Variants in PLSCR2 observed in about 807,000 individuals in gnomAD.
The protein encoded by PLSCR2 is PL scramblase 2.
Under a neutral mutation model 25.3 loss-of-function variants are expected in PLSCR2, and 18 were observed. The ratio of observed to expected loss-of-function variants is 0.71; its 90% CI spans 0.49 to 1.06. The LOEUF is 1.06. PLSCR2 is among the 50% of genes least tolerant of loss of function. The pLI is 0.00. For synonymous variants in PLSCR2, 88 were observed against 87.3 expected, an observed-to-expected ratio of 1.01 and a Z score of -0.04; for missense variants, 243 against 269.5, an observed-to-expected ratio of 0.90 and a Z score of 0.69.
At chr3:146,411,198 G>A (rs114412666) in intron 2 of PLSCR2, among the ~76,000 whole-genome samples, 6,249 of 152,200 alleles carry the variant, frequency 0.041, 178 homozygotes, top group Admixed American at 0.088. Flanking sequence ...GTTCCCCAGC[G>A]TTCTGGGACG....
chr3:146,458,552 C>T (rs541774886), intron 2 of PLSCR2, 99 bp from the exon 3 acceptor site: 6 of 771,624 alleles, frequency 7.8e-6, no homozygotes, highest in South Asian at 3.9e-5. Flanking sequence ...AATCAGTTAT[C>T]GACATTTATC....
chr3:146,416,665 C>A (rs1346870432), intron 2 of PLSCR2: 1 of 152,164 alleles, frequency 6.6e-6, no homozygotes, highest in Non-Finnish European at 1.5e-5. Flanking sequence ...CTAACATTAT[C>A]AAAACATATT....
chr3:146,433,730 G>A (rs919161911), intron 8 of PLSCR2, among the ~76,000 whole-genome samples: 5 of 152,046 alleles, frequency 3.3e-5, no homozygotes, highest in Admixed American at 6.6e-5. Flanking sequence ...TGAGTGCCCT[G>A]GGTACCCTTC....
downstream of PLSCR2, among the ~76,000 whole-genome samples, chr3:146,428,821 A>T (rs899485354): frequency 9.8e-5 from 15 of 152,374 alleles, no homozygotes; most frequent in Admixed American, 2.0e-4. Flanking sequence ...ATCAATATTC[A>T]TCATGGGGTT....
chr3:146,456,666 A>T (rs561519295), intron 3 of PLSCR2, among the ~76,000 whole-genome samples: 7 of 152,344 alleles, frequency 4.6e-5, no homozygotes, highest in African/African-American at 1.7e-4. Flanking sequence ...TATTTTTAGC[A>T]TCTATTAACT....
intron 1 of PLSCR2, among the ~76,000 whole-genome samples, chr3:146,483,896 C>G (rs1378164725): frequency 6.6e-6 from 1 of 151,860 alleles, no homozygotes; most frequent in Non-Finnish European, 1.5e-5. Flanking sequence ...CAAATGATTA[C>G]AACATCTCTC....
At chr3:146,454,022 T>C (rs765457558) in exon 5 of PLSCR2, 2 of 1,586,258 alleles carry the variant, frequency 1.3e-6, no homozygotes, top group South Asian at 2.4e-5. Context: ...ACACCCGCAA[T>C]ACAGCTGCAC....
rs1057233405 is a variant in PLSCR2 at position 146,460,227 on chromosome 3, A to T, written c.-235T>A. On this transcript the variant is annotated 5_prime_UTR_variant, in exon 1 of 7. Coordinates refer to ENST00000610787, the Ensembl canonical transcript of PLSCR2. Reference sequence around the variant, plus strand: ...GCTTGAGGTATGTTTTTATCTTCAGATATGTTTTAATGAAATATCTGTGGT... The same window carrying T: ...GCTTGAGGTATGTTTTTATCTTCAGTTATGTTTTAATGAAATATCTGTGGT... 7.2e-6 allele frequency: 10 copies of T among 1,385,186 alleles called. No homozygotes were observed. In the African/African-American group the frequency reaches 1.5e-4, roughly 20 times the overall value. The allele number at this position is 1,385,186 out of a possible 1,614,324, so 85.8% of individuals were successfully genotyped here. A position where few individuals can be genotyped will look rare whatever the true frequency, so the allele number is the denominator to read the frequency against.
chr3:146,395,429 G>A (rs1369525322), intron 3 of PLSCR2, among the ~76,000 whole-genome samples: 1 of 152,134 alleles, frequency 6.6e-6, no homozygotes, highest in Non-Finnish European at 1.5e-5. Flanking sequence ...TTTAAATAAA[G>A]TGTAACAAGC....
intron 4 of PLSCR2, 143 bp from the exon 5 acceptor site, chr3:146,454,306 G>A (rs2041074985): frequency 1.9e-6 from 1 of 528,572 alleles, no homozygotes; most frequent in Non-Finnish European, 3.2e-6. Context: ...GATTGAATAA[G>A]GTAAAGTATT....
At chr3:146,411,856 T>C (rs1391892141) in intron 2 of PLSCR2, among the ~76,000 whole-genome samples, 1 of 152,136 alleles carries the variant, frequency 6.6e-6, no homozygotes. Context: ...GCAGGGACTT[T>C]AAGACTATTA....
intron 1 of PLSCR2, among the ~76,000 whole-genome samples, chr3:146,489,357 G>A (rs992227093): frequency 2.2e-4 from 33 of 152,038 alleles, no homozygotes; most frequent in Non-Finnish European, 3.2e-4. Context: ...GCTATGTGGG[G>A]AAACGTTATT....
At chr3:146,426,708 A>C (rs537784669) in intron 2 of PLSCR2, among the ~76,000 whole-genome samples, 33 of 152,360 alleles carry the variant, frequency 2.2e-4, no homozygotes, top group African/African-American at 7.2e-4. Context: ...TTAATTAAAG[A>C]TTAATTTAAA....
chr3:146,392,139 A>T lies in PLSCR2; in HGVS notation c.*146-577T>A, dbSNP rs1228232804. ...TGTATTTAGTAAGCCTCATACTCAC[A>T]CATTTTATGTTGTTTTAATTTTTGC... On this transcript the variant is annotated intron_variant and NMD_transcript_variant, in intron 3 of 3. Coordinates refer to the PLSCR2 transcript ENST00000463633. 2.0e-5 allele frequency among the ~76,000 whole-genome samples: 3 copies of T among 152,192 alleles called. No homozygotes were observed. The South Asian group carries it at 6.2e-4, about 32-fold the overall frequency.
chr3:146,423,157 G>T (rs1330867712), intron 2 of PLSCR2, among the ~76,000 whole-genome samples: 2 of 150,304 alleles, frequency 1.3e-5, no homozygotes, highest in Non-Finnish European at 3.0e-5. Flanking sequence ...ACATTCTTAT[G>T]TCCTTACACT....
chr3:146,415,403 TTTGTC>T lies in PLSCR2; in HGVS notation c.101-19487_101-19483del, dbSNP rs1159840171. On this transcript the variant is annotated intron_variant and NMD_transcript_variant, in intron 2 of 3. Transcript: ENST00000463633. ...ATTATTATTACAGTCTATAAGGTGT[TTTGTC>T]TTGTCTCTATTGTTAACATACTCAA... 5.9e-5 allele frequency among the ~76,000 whole-genome samples: 9 copies of T among 152,170 alleles called. No homozygotes were observed. In the East Asian group the frequency reaches 1.5e-3, roughly 26 times the overall value.
At chr3:146,398,524 T>TA (rs1553767634) in intron 2 of PLSCR2, 3 of 147,542 alleles carry the variant, frequency 2.0e-5, no homozygotes, top group Non-Finnish European at 4.5e-5. Flanking sequence ...AATTTTTTTT[T>TA]AAAAAGCAAA....
intron 6 of PLSCR2, among the ~76,000 whole-genome samples, chr3:146,442,135 T>G (rs1263232470): frequency 6.6e-6 from 1 of 152,100 alleles, no homozygotes; most frequent in African/African-American, 2.4e-5. Context: ...TATTTAATGT[T>G]TTGCAGTCCT....
chr3:146,481,687 C>T (rs551386), intron 1 of PLSCR2, among the ~76,000 whole-genome samples: 49,140 of 151,992 alleles, frequency 0.32, 7,988 homozygotes, highest in South Asian at 0.41. Context: ...GCCATTCCCA[C>T]CAAGCTACCA....
Sources: gnomAD v4.1 joint callset for allele counts (sites outside exome capture counted in the v4.1 genomes callset) on GRCh38, gnomAD v4.1.1 for gene constraint, MANE v1.5 for transcripts, NCBI Gene and HGNC (gene_info 2026-07-23, HGNC 2026-07-21) for gene names.